The following AGAP2 variants were observed in gnomAD, a reference collection of about 807,000 sequenced individuals.
AGAP2 encodes the protein ArfGAP with GTPase domain, ankyrin repeat and PH domain 2.
In AGAP2, 32 loss-of-function variants were observed where a neutral mutation model predicts 110.9. The ratio of observed to expected loss-of-function variants is 0.29; its 90% CI spans 0.22 to 0.39. The LOEUF is 0.39. AGAP2 is among the 10% of genes least tolerant of loss of function. The pLI is 1.00. For synonymous variants in AGAP2, 702 were observed against 713.0 expected, an observed-to-expected ratio of 0.98 and a Z score of 0.25; for missense variants, 1,285 against 1,638.5, an observed-to-expected ratio of 0.78 and a Z score of 3.72.
chr12:57,731,633 C>A lies in AGAP2; in HGVS notation c.1963G>T (p.Gly655Cys). ...RRTSLFANRR[G>C]SDSEKRSLDS... The stretch of plus-strand genomic sequence containing the variant: ...AAGCTTCGTTTCTCGGAGTCACTAC[C>A]CCGACGATTCTGGAATGGTTATTGG... Residue 655 changes from glycine (G) to cysteine (C), a missense_variant, in exon 9 of 19, where the codon GGT (glycine) becomes TGT (cysteine). This residue lies in a region of AGAP2 where 844 missense variants were observed against 941.2 expected (regional missense o/e 0.90). Transcript: ENST00000547588. 6.2e-7 allele frequency: 1 copy of A among 1,614,072 alleles called. No individual in the cohort carries two copies. Among genetic ancestry groups the A allele is most frequent in the Non-Finnish European group, 8.5e-7 (1 of 1,180,018 alleles).
At position 57,730,872 on chromosome 12, in the gene AGAP2, C is replaced by A; in HGVS notation, c.2227G>T (p.Ala743Ser). 1.2e-6 allele frequency: 2 copies of A among 1,611,934 alleles called. No homozygotes were observed. The highest frequency in any genetic ancestry group is 1.7e-6 in the Non-Finnish European group (2 of 1,179,084). Reference sequence around the variant, plus strand: ...GCTGAGGGGCCAAAGGCAGAGATGGCCCTCGGGGGCCGCTTGCCCGGGACT... The same window carrying A: ...GCTGAGGGGCCAAAGGCAGAGATGGACCTCGGGGGCCGCTTGCCCGGGACT... Reference protein sequence around the residue: ...VKVPGKRPPRAISAFGPSASI... With the variant: ...VKVPGKRPPRSISAFGPSASI... The change falls in exon 11 of 19, where the codon GCC (alanine) becomes TCC (serine). Residue 743 changes from alanine to serine, a missense_variant. Physicochemically the swap from Ala to Ser is moderately conservative, Grantham distance 99. Coordinates refer to ENST00000547588, the MANE Select transcript of AGAP2 (RefSeq NM_001122772.3).
rs1242060938 is a variant in AGAP2, at chr12:57,726,833, G to A, written c.3337-39C>T. The stretch of plus-strand genomic sequence containing the variant: ...ACGGCCGCGTGACCGCGCGTCCCCA[G>A]GGCGCCCACACCCGGCGCCGCCTCC... On this transcript the variant is annotated intron_variant, in intron 18 of 18. Coordinates refer to ENST00000547588, the MANE Select transcript of AGAP2 (RefSeq NM_001122772.3). The surrounding 1 kb of genome is among the most constrained non-coding windows in gnomAD (Gnocchi z 5.7). The A allele has an allele frequency of 7.0e-7, 1 of 1,432,990 alleles. No homozygotes were observed. Among genetic ancestry groups the A allele is most frequent in the African/African-American group, 1.4e-5 (1 of 69,332 alleles). The allele number at this position is 1,432,990 out of a possible 1,614,324, so 88.8% of individuals were successfully genotyped here.
chr12:57,731,966 G>A lies in AGAP2; in HGVS notation c.1796C>T (p.Ala599Val), dbSNP rs1393944652. 6.2e-7 allele frequency: 1 copy of A among 1,613,464 alleles called. No individual in the cohort carries two copies. The highest frequency in any genetic ancestry group is 1.7e-5 in the Admixed American group (1 of 60,004). ...SAASTPVAGQ[A>V]SNGGHTSDYS... Reference sequence around the variant, plus strand: ...GTCGCTAGTGTGGCCCCCGTTACTAGCCTGGGCACATATGGAAGAGTCAGC... The same window carrying A: ...GTCGCTAGTGTGGCCCCCGTTACTAACCTGGGCACATATGGAAGAGTCAGC... Residue 599 changes from alanine to valine, a missense_variant and splice_region_variant, in exon 8 of 19, where the codon GCT becomes GTT. By Grantham distance (64) the Ala-to-Val change is moderately conservative. Transcript: ENST00000547588.
chr12:57,734,495 A>C, intron 3 of AGAP2, 91 bp from the exon 4 acceptor site: 1 of 1,588,052 alleles, frequency 6.3e-7, no homozygotes, highest in Admixed American at 1.7e-5. Context: ...TTATGGCCTC[A>C]TCCTTCCCCC....
Position 57,727,223 on chromosome 12 carries a change from C to T in AGAP2, c.3087G>A (p.Glu1029=). 1 of 1,612,474 alleles carries T rather than the reference C, an allele frequency of 6.2e-7. No individual in the cohort carries two copies. Among genetic ancestry groups the T allele is most frequent in the Non-Finnish European group, 8.5e-7 (1 of 1,179,808 alleles). Residue 1029 remains glutamate (E), a synonymous_variant, in exon 18 of 19, where the codon GAG becomes GAA. Coordinates refer to ENST00000547588, the MANE Select transcript of AGAP2 (RefSeq NM_001122772.3). The part of the protein sequence containing the change: ...AKPSRDSSRE[E]RESWIRAKYE... ...ACTTGGCGCGAATCCACGACTCGCG[C>T]TCCTCCCTGCAAGACCAGGGATCAA... is the stretch of plus-strand genomic sequence containing the variant.
chr12:57,734,829 G>A (rs1375794901), intron 2 of AGAP2, 150 bp from the exon 3 acceptor site: 2 of 697,488 alleles, frequency 2.9e-6, no homozygotes, highest in African/African-American at 1.8e-5. Context: ...GAGCAGTTGG[G>A]AGGATCAGAG....
rs1312087058 is a variant in AGAP2 at position 57,734,101 on chromosome 12, G to C, written c.1474C>G (p.Arg492Gly). The change falls in exon 5 of 19, where the codon CGT becomes GGT. Residue 492 changes from arginine (R) to glycine (G), a missense_variant. Arg to Gly is a moderately radical substitution (Grantham distance 125). Coordinates refer to ENST00000547588, the MANE Select transcript of AGAP2 (RefSeq NM_001122772.3). ...AGGGAACTCAGCTGCCCATGGAGAC[G>C]GCTCACAGCCTGGAAACTGTTCTCA... ...EDENSFQAVSRLHGQLSSLRG... is the reference protein window; with the variant it reads ...EDENSFQAVSGLHGQLSSLRG... 1.2e-6 allele frequency: 2 copies of C among 1,613,742 alleles called. No individual in the cohort carries two copies. Among genetic ancestry groups the C allele is most frequent in the Non-Finnish European group, 1.7e-6 (2 of 1,179,846 alleles).
At position 57,737,700 on chromosome 12, in the gene AGAP2, G is replaced by T; in HGVS notation, c.547C>A (p.Pro183Thr). Residue 183 changes from proline (P) to threonine (T), a missense_variant, in exon 1 of 19, where the codon CCT (proline) becomes ACT (threonine). Coordinates refer to ENST00000547588, the MANE Select transcript of AGAP2 (RefSeq NM_001122772.3). The surrounding 1 kb of genome is among the most constrained non-coding windows in gnomAD (Gnocchi z 5.9). ...TGSRRLKVAP[P>T]PPAPKPCKTV... is the part of the protein sequence containing the mutation. ...TTGCAAGGCTTGGGAGCCGGCGGAGGAGGCGCCACCTTGAGCCTCCGGCTG... is the reference window on the plus strand; with the variant it reads ...TTGCAAGGCTTGGGAGCCGGCGGAGTAGGCGCCACCTTGAGCCTCCGGCTG... The T allele has an allele frequency of 6.5e-7, 1 of 1,550,050 alleles. No individual in the cohort carries two copies. Among genetic ancestry groups the T allele is most frequent in the Non-Finnish European group, 8.7e-7 (1 of 1,150,758 alleles).
At position 57,737,939 on chromosome 12, in the gene AGAP2, G is replaced by A. The variant is rs930301279; in HGVS notation, c.308C>T (p.Pro103Leu). 2.3e-5 allele frequency: 32 copies of A among 1,393,728 alleles called. No individual in the cohort carries two copies. In the African/African-American group the frequency reaches 4.9e-4, roughly 21 times the overall value. 86.3% of individuals were successfully genotyped at this position (1,393,728 alleles called of 1,614,324 possible). The change falls in exon 1 of 19, where the codon CCA (proline) becomes CTA (leucine). Residue 103 changes from proline (P) to leucine (L), a missense_variant. Around this residue, in one of 7 missense-constraint regions of AGAP2, gnomAD observed 844 missense variants for 941.2 expected, o/e 0.90. Coordinates refer to ENST00000547588, the MANE Select transcript of AGAP2 (RefSeq NM_001122772.3). The surrounding 1 kb of genome is among the most constrained non-coding windows in gnomAD (Gnocchi z 5.9). The part of the protein sequence containing the change: ...LSPAPASPAR[P>L]VSPAPGRRLS... The stretch of plus-strand genomic sequence containing the variant: ...GCGGCGGCCGGGAGCGGGGGAGACT[G>A]GGCGGGCCGGACTGGCCGGAGCCGG...
downstream of AGAP2, chr12:57,725,078 G>C (rs925220645): frequency 2.6e-5 from 4 of 153,032 alleles, no homozygotes; most frequent in African/African-American, 9.7e-5. Context: ...CATGGGTACT[G>C]TCCTGCCACC....
chr12:57,740,653 G>A (rs1237270182), upstream of AGAP2, among the ~76,000 whole-genome samples: 4 of 151,990 alleles, frequency 2.6e-5, no homozygotes. Flanking sequence ...AGAGGGGTGG[G>A]GCTTAGAGTT....
At chr12:57,728,256 C>T (rs762344599) in intron 14 of AGAP2, 62 bp downstream of exon 14, 27 of 1,578,958 alleles carry the variant, frequency 1.7e-5, no homozygotes, top group South Asian at 2.3e-5. Flanking sequence ...CAGGGGAAGG[C>T]GGGGGCACCC....
rs761754976 is a variant in AGAP2 at position 57,729,765 on chromosome 12, A to C, written c.2431T>G (p.Cys811Gly). 6.2e-7 allele frequency: 1 copy of C among 1,602,178 alleles called. No individual in the cohort carries two copies. Among genetic ancestry groups the C allele is most frequent in the South Asian group, 1.1e-5 (1 of 89,412 alleles). The change falls in exon 13 of 19, where the codon TGT becomes GGT. Residue 811 changes from cysteine to glycine, a missense_variant and splice_region_variant. Cys to Gly is a radical substitution (Grantham distance 159). Around this residue, in one of 7 missense-constraint regions of AGAP2, gnomAD observed 135 missense variants for 182.0 expected, o/e 0.74. Coordinates refer to ENST00000547588, the MANE Select transcript of AGAP2 (RefSeq NM_001122772.3). The part of the protein sequence containing the change: ...RNLARALSTD[C>G]TPSGDLSPLS... Reference sequence around the variant, plus strand: ...GGGCTCAGGTCTCCAGATGGGGTACAGTCTTAGGGAGGAAGACACAGCTGC... The same window carrying C: ...GGGCTCAGGTCTCCAGATGGGGTACCGTCTTAGGGAGGAAGACACAGCTGC...
intron 7 of AGAP2, 23 bp downstream of exon 7, chr12:57,732,380 C>CCGGTA (rs776876642): frequency 6.4e-7 from 1 of 1,566,534 alleles, no homozygotes; most frequent in Admixed American, 1.9e-5. Flanking sequence ...GGCCCCTCTG[C>CCGGTA]AGACTCTGAA....
Position 57,726,217 on chromosome 12 carries a change from G to C in AGAP2, c.*335C>G, listed in dbSNP as rs774866273. 1.7e-5 allele frequency: 3 copies of C among 173,382 alleles called. No homozygotes were observed. Among genetic ancestry groups the C allele is most frequent in the Non-Finnish European group, 3.7e-5 (3 of 81,580 alleles). 10.7% of individuals were successfully genotyped at this position (173,382 alleles called of 1,614,324 possible). ...GGACCGGGTCTTCTTTCCGCCCCTA[G>C]GGGGCACAAGCGGGCATGTCCAAGC... is the stretch of plus-strand genomic sequence containing the variant. On this transcript the variant is annotated 3_prime_UTR_variant, in exon 19 of 19. Transcript: ENST00000547588. The surrounding 1 kb of genome is among the most constrained non-coding windows in gnomAD (Gnocchi z 5.7).
At chr12:57,736,151 G>A (rs973738605) in intron 1 of AGAP2, among the ~76,000 whole-genome samples, 19 of 152,096 alleles carry the variant, frequency 1.2e-4, no homozygotes, top group Non-Finnish European at 2.5e-4. Context: ...GGGCGCCGCA[G>A]CTGCGGCGGG....
At chr12:57,729,533 G>A in intron 13 of AGAP2, 106 bp downstream of exon 13, 6 of 1,483,492 alleles carry the variant, frequency 4.0e-6, no homozygotes, top group Non-Finnish European at 5.4e-6. Context: ...TGGTAGTCAA[G>A]CACTCAGCTC....
chr12:57,735,491 C>T (rs1008154114), intron 1 of AGAP2, 64 bp from the exon 2 acceptor site: 25 of 1,471,808 alleles, frequency 1.7e-5, no homozygotes, highest in Non-Finnish European at 2.1e-5. Context: ...CAACACTGAG[C>T]CACCCCTCCT....
chr12:57,737,943 G>T lies in AGAP2; in HGVS notation c.304C>A (p.Arg102Ser). 2 of 1,394,356 alleles carry T rather than the reference G, an allele frequency of 1.4e-6. No homozygotes were observed. Among genetic ancestry groups the T allele is most frequent in the Non-Finnish European group, 1.8e-6 (2 of 1,085,046 alleles). The allele number at this position is 1,394,356 out of a possible 1,614,324, so 86.4% of individuals were successfully genotyped here. A position where few individuals can be genotyped will look rare whatever the true frequency, so the allele number is the denominator to read the frequency against. Residue 102 changes from arginine (R) to serine (S), a missense_variant, in exon 1 of 19, where the codon CGC becomes AGC. This residue lies in a region of AGAP2 where 844 missense variants were observed against 941.2 expected (regional missense o/e 0.90). Coordinates refer to ENST00000547588, the MANE Select transcript of AGAP2 (RefSeq NM_001122772.3). This position sits in a 1 kb window ranked among gnomAD's most constrained non-coding sequence, Gnocchi z 5.9. The part of the protein sequence containing the change: ...ALSPAPASPA[R>S]PVSPAPGRRL... Reference sequence around the variant, plus strand: ...CGGCCGGGAGCGGGGGAGACTGGGCGGGCCGGACTGGCCGGAGCCGGGGAC... The same window carrying T: ...CGGCCGGGAGCGGGGGAGACTGGGCTGGCCGGACTGGCCGGAGCCGGGGAC...
Sources: allele counts gnomAD v4.1 joint callset (sites outside exome capture counted in the v4.1 genomes callset), GRCh38; gene constraint gnomAD v4.1.1; regional missense constraint gnomAD v4.1.1; non-coding constraint Gnocchi (gnomAD v3.1); transcripts MANE v1.5; gene names NCBI Gene and HGNC (gene_info 2026-07-23, HGNC 2026-07-21).